The following ARHGEF3 variants were observed in gnomAD, a reference collection of about 807,000 sequenced individuals.
ARHGEF3 encodes the protein 59.8 kDA protein.
Under a neutral mutation model 63.2 loss-of-function variants are expected in ARHGEF3, and 28 were observed. The ratio of observed to expected loss-of-function variants is 0.44; its 90% CI spans 0.33 to 0.61. The LOEUF is 0.61. Ranked by LOEUF, ARHGEF3 falls within the 20% of genes least tolerant of loss-of-function variation. The pLI is 0.03. For missense variants in ARHGEF3, 533 were observed against 659.3 expected, an observed-to-expected ratio of 0.81 and a Z score of 2.10; for synonymous variants, 266 against 254.2, an observed-to-expected ratio of 1.05 and a Z score of -0.44.
At chr3:56,956,896 T>C (rs1700067943) in intron 3 of ARHGEF3, among the ~76,000 whole-genome samples, 1 of 152,194 alleles carries the variant, frequency 6.6e-6, no homozygotes, top group African/African-American at 2.4e-5. Flanking sequence ...ATCTACTTGG[T>C]CAACAAGGGA....
At chr3:56,776,722 G>T (rs141955206) in intron 1 of ARHGEF3, among the ~76,000 whole-genome samples, 1 of 152,038 alleles carries the variant, frequency 6.6e-6, no homozygotes, top group African/African-American at 2.4e-5. Flanking sequence ...AAATGCAATC[G>T]TAGGGATGCT....
At chr3:56,821,968 GAGAAGAGAAGAGAA>G in intron 4 of ARHGEF3, among the ~76,000 whole-genome samples, 1 of 10,606 alleles carries the variant, frequency 9.4e-5, no homozygotes, top group East Asian at 1.2e-3. Flanking sequence ...GTCTCGAGAA[GAGAAGAGAAGAGAA>G]GAGAAGAGAA....
At chr3:56,946,129 C>T (rs566000436) in intron 3 of ARHGEF3, among the ~76,000 whole-genome samples, 35 of 152,206 alleles carry the variant, frequency 2.3e-4, no homozygotes, top group African/African-American at 6.5e-4. Flanking sequence ...CCCATCTGTA[C>T]GTCACCATCA....
intron 1 of ARHGEF3, among the ~76,000 whole-genome samples, chr3:57,043,587 G>A (rs1704321045): frequency 6.6e-6 from 1 of 152,120 alleles, no homozygotes; most frequent in South Asian, 2.1e-4. Flanking sequence ...AAGTCAGCCT[G>A]AGCATATCAT....
In ARHGEF3 at chr3:57,001,928, T is replaced by G. The variant is rs1478613674; in HGVS notation, c.62+33160A>C. Among the ~76,000 whole-genome samples, 5 of 73,450 alleles carry G rather than the reference T, an allele frequency of 6.8e-5. 1 individual carries two copies. Among genetic ancestry groups the G allele is most frequent in the East Asian group, 9.1e-4 (2 of 2,206 alleles). The allele number at this position is 73,450 out of a possible 152,430, so 48.2% of individuals were successfully genotyped here. ...CAAAGTGAGATAGTTTTTTTTTTTT[T>G]TGTTTTTTGTTTTGAGACGGAGTCT... On this transcript the variant is annotated intron_variant, in intron 2 of 12. Transcript: ENST00000338458.
chr3:57,052,385 C>A (rs1704713534), intron 1 of ARHGEF3, among the ~76,000 whole-genome samples: 1 of 152,104 alleles, frequency 6.6e-6, no homozygotes, highest in East Asian at 1.9e-4. Context: ...CAACCTCCAC[C>A]TCCCGGGTTC....
chr3:56,926,005 T>G (rs920465814), intron 3 of ARHGEF3, among the ~76,000 whole-genome samples: 1 of 152,228 alleles, frequency 6.6e-6, no homozygotes, highest in African/African-American at 2.4e-5. Context: ...GCATCAGGCA[T>G]GCAAAAATAC....
chr3:56,872,565 A>G (rs569908313), intron 4 of ARHGEF3, among the ~76,000 whole-genome samples: 13 of 145,774 alleles, frequency 8.9e-5, no homozygotes, highest in African/African-American at 3.3e-4. Context: ...GCTGGAGTGC[A>G]GTGGCACGAT....
intron 2 of ARHGEF3, among the ~76,000 whole-genome samples, chr3:57,029,355 A>C (rs1403613452): frequency 6.6e-6 from 1 of 152,042 alleles, no homozygotes; most frequent in African/African-American, 2.4e-5. Flanking sequence ...ACTTGAACCC[A>C]GGAGCGGAGG....
chr3:56,818,806 C>T (rs1291615249), intron 4 of ARHGEF3, among the ~76,000 whole-genome samples: 2 of 152,136 alleles, frequency 1.3e-5, no homozygotes, highest in African/African-American at 4.8e-5. Context: ...TCATTTGTAT[C>T]TTTGCCCAGG....
intron 2 of ARHGEF3, among the ~76,000 whole-genome samples, chr3:57,001,060 C>T (rs1197392895): frequency 6.6e-6 from 1 of 152,100 alleles, no homozygotes; most frequent in Non-Finnish European, 1.5e-5. Context: ...CCACCTGAGC[C>T]TCCCAAGTAG....
chr3:57,055,307 G>A (rs1480607614), intron 1 of ARHGEF3, among the ~76,000 whole-genome samples: 1 of 151,444 alleles, frequency 6.6e-6, no homozygotes, highest in African/African-American at 2.4e-5. Context: ...GACTACAGGC[G>A]CATGCCACCA....
At chr3:57,032,070 GT>G (rs1333113556) in intron 2 of ARHGEF3, among the ~76,000 whole-genome samples, 2 of 152,144 alleles carry the variant, frequency 1.3e-5, no homozygotes, top group Non-Finnish European at 2.9e-5. Flanking sequence ...ACATTTTAGG[GT>G]AGGTTGACTG....
At chr3:57,066,880 G>C (rs1044176584) in intron 1 of ARHGEF3, among the ~76,000 whole-genome samples, 1 of 151,948 alleles carries the variant, frequency 6.6e-6, no homozygotes, top group Non-Finnish European at 1.5e-5. Context: ...CTGGGTCTCC[G>C]GCCTGCCAGT....
At chr3:56,944,096 C>A (rs1392558742) in intron 3 of ARHGEF3, among the ~76,000 whole-genome samples, 1 of 152,026 alleles carries the variant, frequency 6.6e-6, no homozygotes. Flanking sequence ...TTGCTTGAAC[C>A]CGAAAGGTGG....
intron 1 of ARHGEF3, chr3:56,775,725 G>A (rs2036250937): frequency 1.0e-6 from 1 of 982,860 alleles, no homozygotes; most frequent in Non-Finnish European, 1.2e-6. Flanking sequence ...TGTGCTCAGA[G>A]GAGGGTTTAA....
intron 3 of ARHGEF3, among the ~76,000 whole-genome samples, chr3:56,909,789 G>A (rs1241483284): frequency 2.0e-5 from 3 of 152,240 alleles, no homozygotes; most frequent in Non-Finnish European, 1.5e-5. Context: ...TACACACTCA[G>A]TAAATGTGGG....
intron 3 of ARHGEF3, among the ~76,000 whole-genome samples, chr3:56,946,439 G>C (rs1699502352): frequency 6.6e-6 from 1 of 152,204 alleles, no homozygotes; most frequent in Admixed American, 6.5e-5. Flanking sequence ...TTAAAGGACT[G>C]ATGGAGCTGA....
At chr3:56,774,976 T>C (rs760913758) in intron 1 of ARHGEF3, 2 of 1,460,730 alleles carry the variant, frequency 1.4e-6, no homozygotes, top group Non-Finnish European at 1.8e-6. Flanking sequence ...CAAAACATTT[T>C]ACAAAGACAA....
Sources: gnomAD v4.1 joint callset for allele counts (sites outside exome capture counted in the v4.1 genomes callset) on GRCh38, gnomAD v4.1.1 for gene constraint, MANE v1.5 for transcripts, NCBI Gene and HGNC (gene_info 2026-07-23, HGNC 2026-07-21) for gene names.